The following GPC5 variants were observed in gnomAD, a reference collection of about 807,000 sequenced individuals.
GPC5 encodes glypican 5.
Under a neutral mutation model 53.9 loss-of-function variants are expected in GPC5, and 47 were observed. That is an observed-to-expected ratio of 0.87 (90% CI 0.69 to 1.11). The LOEUF is 1.11. GPC5 is among the 50% of genes most tolerant of loss of function. The probability of loss-of-function intolerance (pLI) is 0.00; values close to 1 mark genes in which losing one functional copy is unlikely to be tolerated. For missense variants in GPC5, 748 were observed against 713.1 expected, an observed-to-expected ratio of 1.05 and a Z score of -0.56; for synonymous variants, 286 against 263.3, an observed-to-expected ratio of 1.09 and a Z score of -0.84.
In GPC5 at chr13:91,897,368, T is replaced by TGTGTGTGTGTGC. The variant is rs1555295196; in HGVS notation, c.1281-10568_1281-10567insTGTGTGTGTGCG. Among the ~76,000 whole-genome samples, 175 of 149,536 alleles carry TGTGTGTGTGTGC rather than the reference T, an allele frequency of 1.2e-3. 1 individual carries two copies. The Middle Eastern group carries it at 0.035, about 30-fold the overall frequency. On this transcript the variant is annotated intron_variant, in intron 5 of 7. Coordinates refer to ENST00000377067, the MANE Select transcript of GPC5 (RefSeq NM_004466.6). ...GTGTGTGTGTGTGTGTGTGTGTGTG[T>TGTGTGTGTGTGC]GCGCCTGTGCATGTGTATGCATTTC...
chr13:92,616,025 G>T (rs1286449902), intron 7 of GPC5, among the ~76,000 whole-genome samples: 1 of 152,208 alleles, frequency 6.6e-6, no homozygotes, highest in East Asian at 1.9e-4. Context: ...CTGCACTCCA[G>T]CCTGGGTGAC....
chr13:92,339,049 T>TA (rs1007679933), intron 7 of GPC5, among the ~76,000 whole-genome samples: 4 of 151,946 alleles, frequency 2.6e-5, no homozygotes, highest in African/African-American at 7.2e-5. Context: ...AAACTATTCT[T>TA]AAAAAAATAA....
intron 4 of GPC5, among the ~76,000 whole-genome samples, chr13:91,749,639 T>C (rs934992859): frequency 6.6e-6 from 1 of 152,254 alleles, no homozygotes; most frequent in African/African-American, 2.4e-5. Context: ...ATGGTAGTTC[T>C]ATTTTTAGTT....
intron 5 of GPC5, among the ~76,000 whole-genome samples, chr13:91,847,355 TTGTG>T (rs150598612): frequency 4.0e-5 from 6 of 150,118 alleles, no homozygotes; most frequent in Non-Finnish European, 7.4e-5. Context: ...TTTATTATAA[TTGTG>T]TGTGTGTGTG....
chr13:91,733,556 C>G (rs1231601070), intron 4 of GPC5, among the ~76,000 whole-genome samples: 1 of 152,126 alleles, frequency 6.6e-6, no homozygotes, highest in African/African-American at 2.4e-5. Flanking sequence ...CCCTTGTTAG[C>G]TGTATTCCTA....
At chr13:91,528,581 A>G (rs1348296738) in intron 2 of GPC5, among the ~76,000 whole-genome samples, 1 of 152,094 alleles carries the variant, frequency 6.6e-6, no homozygotes, top group African/African-American at 2.4e-5. Context: ...AACTGTTCCA[A>G]TCTCTGCTCA....
At chr13:92,263,649 T>C (rs1029955822) in intron 7 of GPC5, among the ~76,000 whole-genome samples, 2 of 152,198 alleles carry the variant, frequency 1.3e-5, no homozygotes, top group Admixed American at 6.6e-5. Context: ...TGTGTTATAC[T>C]GACAAAGGTA....
intron 7 of GPC5, among the ~76,000 whole-genome samples, chr13:92,525,437 A>AGAGTGT (rs1555286750): frequency 2.2e-5 from 3 of 136,584 alleles, no homozygotes; most frequent in Admixed American, 1.5e-4. Context: ...GATAGATTCA[A>AGAGTGT]GTGTGTGTGT....
At chr13:92,129,971 G>C (rs1998870) in intron 6 of GPC5, among the ~76,000 whole-genome samples, 141,267 of 152,122 alleles carry the variant, frequency 0.93, 66,145 homozygotes, top group East Asian at 1. Flanking sequence ...TTGCAAGAAA[G>C]TTAACAAAAC....
chr13:91,887,635 C>T (rs2039339599), intron 5 of GPC5, among the ~76,000 whole-genome samples: 1 of 152,162 alleles, frequency 6.6e-6, no homozygotes, highest in African/African-American at 2.4e-5. Context: ...CCTAAATCAT[C>T]TCTCTCAAGT....
intron 7 of GPC5, among the ~76,000 whole-genome samples, chr13:92,699,887 A>T (rs895192010): frequency 1.1e-4 from 16 of 152,178 alleles, no homozygotes; most frequent in African/African-American, 3.6e-4. Context: ...TGTGGTGCTG[A>T]GAAGAATGTA....
intron 7 of GPC5, among the ~76,000 whole-genome samples, chr13:92,566,439 G>C (rs1428297486): frequency 2.0e-5 from 3 of 152,066 alleles, no homozygotes; most frequent in Admixed American, 1.3e-4. Context: ...GAAGAATATG[G>C]AAAATAAGCT....
chr13:92,252,978 G>T (rs1411457372), intron 7 of GPC5, among the ~76,000 whole-genome samples: 1 of 152,098 alleles, frequency 6.6e-6, no homozygotes, highest in African/African-American at 2.4e-5. Context: ...AAGTAGAAGT[G>T]CAATGTGTCG....
chr13:91,478,226 A>G (rs1020316836), intron 2 of GPC5, among the ~76,000 whole-genome samples: 4 of 152,148 alleles, frequency 2.6e-5, no homozygotes, highest in Non-Finnish European at 4.4e-5. Flanking sequence ...AAATAAGGGA[A>G]TCAATCTACT....
chr13:91,586,669 C>T (rs943705157), intron 2 of GPC5, among the ~76,000 whole-genome samples: 1 of 143,186 alleles, frequency 7.0e-6, no homozygotes, highest in Non-Finnish European at 1.6e-5. Flanking sequence ...GGGGGACTGC[C>T]CCCATGATCC....
chr13:91,799,361 T>C (rs1211082852), intron 5 of GPC5, among the ~76,000 whole-genome samples: 1 of 152,092 alleles, frequency 6.6e-6, no homozygotes, highest in Non-Finnish European at 1.5e-5. Context: ...GGGCAAGGGT[T>C]GAAAACTAAC....
At position 92,519,325 on chromosome 13, in the gene GPC5, A is replaced by G. The variant is rs184936401; in HGVS notation, c.1562-346957A>G. Among the ~76,000 whole-genome samples, 384 of 152,334 alleles carry G rather than the reference A, an allele frequency of 2.5e-3. 7 individuals carry two copies. The highest frequency in any genetic ancestry group is 0.018 in the Admixed American group (280 of 15,304). On this transcript the variant is annotated intron_variant, in intron 7 of 7. Coordinates refer to ENST00000377067, the MANE Select transcript of GPC5 (RefSeq NM_004466.6). ...TCCACCCCAAATCAACAGAATATAC[A>G]TTCTTCTCAACACCACATCACACCT...
At chr13:91,887,393 T>C (rs1488297232) in intron 5 of GPC5, among the ~76,000 whole-genome samples, 1 of 152,174 alleles carries the variant, frequency 6.6e-6, no homozygotes, top group Non-Finnish European at 1.5e-5. Flanking sequence ...AGAGCTGCTG[T>C]GAAGGTGTGA....
chr13:91,935,730 C>T (rs1023362724), intron 6 of GPC5, among the ~76,000 whole-genome samples: 2 of 152,018 alleles, frequency 1.3e-5, no homozygotes, highest in East Asian at 1.9e-4. Context: ...GAGGAGCATT[C>T]GTTTACCTTT....
Sources: gnomAD v4.1 joint callset for allele counts (sites outside exome capture counted in the v4.1 genomes callset) on GRCh38, gnomAD v4.1.1 for gene constraint, MANE v1.5 for transcripts, NCBI Gene and HGNC (gene_info 2026-07-23, HGNC 2026-07-21) for gene names.